DRGX: variants seen among roughly 807,000 people sequenced by gnomAD.
DRGX encodes the protein dorsal root ganglia homeobox, also known as dorsal root ganglia homeobox protein.
A neutral mutation model predicts 28.6 loss-of-function variants in DRGX; 21 were observed. That is an observed-to-expected ratio of 0.73 (90% CI 0.52 to 1.06). The LOEUF (loss-of-function observed/expected upper bound fraction) is 1.06, where lower values mean the gene tolerates loss of function less well. DRGX is among the 50% of genes least tolerant of loss of function. DRGX has a pLI of 0.00. For synonymous variants in DRGX, 136 were observed against 139.1 expected (o/e 0.98, Z 0.16); for missense variants, 354 against 343.9 (o/e 1.03, Z -0.23).
chr10:49,372,565 TA>T (rs1380164833), intron 6 of DRGX, among the ~76,000 whole-genome samples: 3 of 152,202 alleles, frequency 2.0e-5, no homozygotes, highest in Non-Finnish European at 2.9e-5. Context: ...CCATACAAAT[TA>T]AAGGACAATT....
intron 6 of DRGX, among the ~76,000 whole-genome samples, chr10:49,382,984 C>G (rs1849793861): frequency 2.0e-5 from 3 of 152,288 alleles, no homozygotes; most frequent in Admixed American, 1.3e-4. Flanking sequence ...GCCGCAAGCA[C>G]ACACCTCCCA....
chr10:49,380,323 C>T (rs1255117213), intron 6 of DRGX, among the ~76,000 whole-genome samples: 1 of 152,218 alleles, frequency 6.6e-6, no homozygotes, highest in Non-Finnish European at 1.5e-5. Flanking sequence ...CTGACTGTGG[C>T]TCTCCAGCCC....
chr10:49,385,272 C>A (rs752120185), intron 6 of DRGX, among the ~76,000 whole-genome samples: 5 of 152,124 alleles, frequency 3.3e-5, no homozygotes, highest in East Asian at 1.9e-4. Context: ...AGGGGATGCA[C>A]CCAGCTGCCT....
intron 6 of DRGX, among the ~76,000 whole-genome samples, chr10:49,385,047 T>C (rs1384474376): frequency 6.6e-6 from 1 of 152,156 alleles, no homozygotes; most frequent in East Asian, 1.9e-4. Flanking sequence ...CACATCCCAC[T>C]GGTAATCTTC....
At chr10:49,367,709 G>A (rs750889125) in intron 6 of DRGX, among the ~76,000 whole-genome samples, 20 of 152,212 alleles carry the variant, frequency 1.3e-4, no homozygotes, top group Non-Finnish European at 2.9e-4. Flanking sequence ...CCCAGCCGAG[G>A]CTGAGGGCTG....
At chr10:49,373,837 A>ATATAT (rs1375395684) in intron 6 of DRGX, among the ~76,000 whole-genome samples, 4 of 152,200 alleles carry the variant, frequency 2.6e-5, no homozygotes, top group Admixed American at 6.5e-5. Context: ...TAGTGTACAT[A>ATATAT]TATATATGTA....
At chr10:49,366,737 C>T (rs1296611509) in intron 6 of DRGX, among the ~76,000 whole-genome samples, 1 of 152,186 alleles carries the variant, frequency 6.6e-6, no homozygotes, top group Non-Finnish European at 1.5e-5. Context: ...TTAAGTCATT[C>T]CACACTCCCA....
At chr10:49,387,228 C>T (rs1251500813) in intron 4 of DRGX, among the ~76,000 whole-genome samples, 2 of 152,178 alleles carry the variant, frequency 1.3e-5, no homozygotes, top group African/African-American at 4.8e-5. Context: ...GGGGCTTCCT[C>T]ATCACAGACT....
At chr10:49,395,144 C>T (rs376367391) in intron 2 of DRGX, among the ~76,000 whole-genome samples, 433 of 152,330 alleles carry the variant, frequency 2.8e-3, no homozygotes, top group African/African-American at 9.7e-3. Context: ...TGGGAGGATT[C>T]GGCCGGTCCC....
intron 6 of DRGX, among the ~76,000 whole-genome samples, chr10:49,373,108 T>G (rs1186915842): frequency 1.3e-5 from 2 of 152,106 alleles, no homozygotes; most frequent in Non-Finnish European, 1.5e-5. Context: ...TAAAAAAATT[T>G]TAAGCTATAA....
chr10:49,376,419 C>A (rs1849717485), intron 6 of DRGX, among the ~76,000 whole-genome samples: 1 of 152,166 alleles, frequency 6.6e-6, no homozygotes, highest in Admixed American at 6.5e-5. Context: ...TGTTGCTTTC[C>A]TGGAGCCCTA....
intron 6 of DRGX, among the ~76,000 whole-genome samples, chr10:49,382,176 G>GA (rs1312763506): frequency 1.3e-5 from 2 of 152,158 alleles, no homozygotes; most frequent in African/African-American, 4.8e-5. Flanking sequence ...AGGAATTAAT[G>GA]AAAAAGTGGT....
At chr10:49,376,203 C>A (rs565958174) in intron 6 of DRGX, among the ~76,000 whole-genome samples, 2 of 152,124 alleles carry the variant, frequency 1.3e-5, no homozygotes, top group Admixed American at 1.3e-4. Context: ...CTGCAGAAGC[C>A]GTGGTAACAT....
rs541917428 is a variant in DRGX, at chr10:49,390,724, C to A, written c.132+440G>T. 3.3e-4 allele frequency among the ~76,000 whole-genome samples: 51 copies of A among 152,340 alleles called. No individual in the cohort carries two copies. The South Asian group carries it at 0.01, about 31-fold the overall frequency. ...GGCTGATCGAGGGGAAAAAGCCCAG[C>A]TCTGGGAAACACAGTATCAAGGTCC... is the stretch of plus-strand genomic sequence containing the variant. On this transcript the variant is annotated intron_variant, in intron 3 of 6. Coordinates refer to ENST00000374139, the MANE Select transcript of DRGX (RefSeq NM_001276451.2).
chr10:49,374,352 G>A (rs1262423585), intron 6 of DRGX, among the ~76,000 whole-genome samples: 1 of 152,152 alleles, frequency 6.6e-6, no homozygotes, highest in African/African-American at 2.4e-5. Flanking sequence ...AGATTCACCA[G>A]CAACCTTCTA....
chr10:49,371,314 T>A (rs1021806038), intron 6 of DRGX, among the ~76,000 whole-genome samples: 26 of 152,048 alleles, frequency 1.7e-4, no homozygotes, highest in South Asian at 2.1e-4. Flanking sequence ...AGCTACTGAG[T>A]AAAAATCCAG....
chr10:49,393,563 T>C (rs1295462221), intron 2 of DRGX, among the ~76,000 whole-genome samples: 1 of 152,318 alleles, frequency 6.6e-6, no homozygotes, highest in Non-Finnish European at 1.5e-5. Flanking sequence ...CCCTTATGCC[T>C]ATCTAGATTA....
chr10:49,384,664 C>A (rs1292668514), intron 6 of DRGX, among the ~76,000 whole-genome samples: 1 of 152,176 alleles, frequency 6.6e-6, no homozygotes, highest in Non-Finnish European at 1.5e-5. Flanking sequence ...TTCAGCACCA[C>A]CCCCTCCTGT....
rs200296572 is a variant in DRGX, at chr10:49,386,579, G to A, written c.425C>T (p.Thr142Met). Residue 142 changes from threonine (T) to methionine (M), a missense_variant, in exon 6 of 7, where the codon ACG becomes ATG. Physicochemically the swap from Thr to Met is moderately conservative, Grantham distance 81. Coordinates refer to ENST00000374139, the MANE Select transcript of DRGX (RefSeq NM_001276451.2). Reference sequence around the variant, plus strand: ...GAAGAAAGGCCCTGCAGGACCTACCGTTCGCCCCAGGCTGGCAAAGGAAGG... The same window carrying A: ...GAAGAAAGGCCCTGCAGGACCTACCATTCGCCCCAGGCTGGCAAAGGAAGG... ...ALEAQQSLGR[T>M]VGPAGPFFPS... is the part of the protein sequence containing the mutation. 7.2e-5 allele frequency: 114 copies of A among 1,592,722 alleles called. 1 individual carries two copies. The highest frequency in any genetic ancestry group is 5.0e-4 in the East Asian group (22 of 43,880).
Sources: gnomAD v4.1 joint callset for allele counts (sites outside exome capture counted in the v4.1 genomes callset) on GRCh38, gnomAD v4.1.1 for gene constraint, MANE v1.5 for transcripts, NCBI Gene and HGNC (gene_info 2026-07-23, HGNC 2026-07-21) for gene names.